The following DLG2 variants were observed in gnomAD, a reference collection of about 807,000 sequenced individuals.
DLG2 encodes disks large homolog 2.
A neutral mutation model predicts 132.5 loss-of-function variants in DLG2; 45 were observed. The ratio of observed to expected loss-of-function variants is 0.34; its 90% confidence interval spans 0.27 to 0.44. The LOEUF (loss-of-function observed/expected upper bound fraction) is 0.44, where lower values mean the gene tolerates loss of function less well. Among genes scored for constraint, DLG2 ranks in the 20% least tolerant of loss-of-function variants. The pLI is 1.00. For missense variants in DLG2, 1,045 were observed against 1,196.9 expected (o/e 0.87, Z 1.87); for synonymous variants, 424 against 419.6 (o/e 1.01, Z -0.13).
At chr11:84,921,081 A>G (rs1043124216) in intron 6 of DLG2, among the ~76,000 whole-genome samples, 4 of 149,868 alleles carry the variant, frequency 2.7e-5, no homozygotes, top group African/African-American at 1.0e-4. Flanking sequence ...AAACACTTTT[A>G]AAATGTAATA....
At chr11:83,810,265 T>C (rs1010870386) in intron 17 of DLG2, among the ~76,000 whole-genome samples, 4 of 152,138 alleles carry the variant, frequency 2.6e-5, no homozygotes, top group African/African-American at 9.6e-5. Flanking sequence ...TATAAGTTCC[T>C]GGCTAATGTT....
At chr11:83,822,739 G>C (rs1183703230) in intron 17 of DLG2, among the ~76,000 whole-genome samples, 1 of 152,180 alleles carries the variant, frequency 6.6e-6, no homozygotes, top group Non-Finnish European at 1.5e-5. Flanking sequence ...TTCCTGAAGA[G>C]CTTGTAGACT....
At chr11:85,480,394 T>A (rs1252770455) in intron 3 of DLG2, among the ~76,000 whole-genome samples, 2 of 151,924 alleles carry the variant, frequency 1.3e-5, no homozygotes, top group Non-Finnish European at 2.9e-5. Context: ...GTCTTTATAA[T>A]GATATACCAT....
chr11:83,806,945 G>C (rs2046052448), intron 17 of DLG2, among the ~76,000 whole-genome samples: 1 of 152,156 alleles, frequency 6.6e-6, no homozygotes, highest in South Asian at 2.1e-4. Flanking sequence ...CACCTTGAAA[G>C]GCATAATTCT....
chr11:85,473,908 G>T (rs1485878620), intron 3 of DLG2, among the ~76,000 whole-genome samples: 1 of 151,762 alleles, frequency 6.6e-6, no homozygotes, highest in East Asian at 1.9e-4. Context: ...GAAATAAAAG[G>T]AAGTATAGGA....
At chr11:83,633,501 GA>G (rs1448151205) in intron 18 of DLG2, among the ~76,000 whole-genome samples, 176 bp from the exon 19 acceptor site, 1 of 152,000 alleles carries the variant, frequency 6.6e-6, no homozygotes, top group Non-Finnish European at 1.5e-5. Flanking sequence ...TTTATAAGAG[GA>G]AAATGATAAA....
intron 10 of DLG2, among the ~76,000 whole-genome samples, chr11:84,074,073 G>C (rs1412417593): frequency 6.6e-6 from 1 of 152,158 alleles, no homozygotes; most frequent in South Asian, 2.1e-4. Flanking sequence ...TTACAGGGAA[G>C]TAATTTTCAG....
intron 4 of DLG2, among the ~76,000 whole-genome samples, chr11:85,163,925 T>C (rs1236763029): frequency 6.6e-6 from 1 of 152,146 alleles, no homozygotes. Flanking sequence ...TACCCATGTA[T>C]GCATGGGAGT....
At chr11:85,235,337 T>C (rs2075527860) in intron 4 of DLG2, among the ~76,000 whole-genome samples, 1 of 151,952 alleles carries the variant, frequency 6.6e-6, no homozygotes, top group African/African-American at 2.4e-5. Context: ...TATTGGGATA[T>C]TGTATGCCTA....
At chr11:85,406,833 T>C (rs1320553682) in intron 3 of DLG2, among the ~76,000 whole-genome samples, 1 of 151,774 alleles carries the variant, frequency 6.6e-6, no homozygotes, top group East Asian at 1.9e-4. Context: ...GTATAAAAGA[T>C]GGTGCTAAGA....
chr11:84,293,358 C>T (rs1033056255), intron 7 of DLG2, among the ~76,000 whole-genome samples: 3 of 151,904 alleles, frequency 2.0e-5, no homozygotes, highest in Admixed American at 1.3e-4. Flanking sequence ...GGTCATCACA[C>T]CCTACTTTTC....
At chr11:83,862,585 ATAAT>A in intron 16 of DLG2, among the ~76,000 whole-genome samples, 1 of 152,318 alleles carries the variant, frequency 6.6e-6, no homozygotes, top group East Asian at 1.9e-4. Flanking sequence ...ACACTTAAAA[ATAAT>A]TAAAGTGCAT....
At chr11:85,160,337 AG>A (rs2077929159) in intron 4 of DLG2, among the ~76,000 whole-genome samples, 1 of 152,192 alleles carries the variant, frequency 6.6e-6, no homozygotes, top group African/African-American at 2.4e-5. Context: ...TTGAGATGTC[AG>A]GGGCAGATAG....
chr11:84,901,580 T>C (rs774220990), intron 6 of DLG2, among the ~76,000 whole-genome samples: 5 of 152,126 alleles, frequency 3.3e-5, no homozygotes, highest in Non-Finnish European at 5.9e-5. Context: ...TTAACTAGAA[T>C]AAATCTTTAA....
chr11:84,842,685 G>C (rs1599501399), intron 6 of DLG2, among the ~76,000 whole-genome samples: 1 of 151,938 alleles, frequency 6.6e-6, no homozygotes, highest in Non-Finnish European at 1.5e-5. Context: ...GTAGTAGGAG[G>C]ATCTAAATAA....
chr11:85,086,396 G>GA (rs765043619), intron 6 of DLG2, among the ~76,000 whole-genome samples: 3 of 152,030 alleles, frequency 2.0e-5, no homozygotes, highest in Non-Finnish European at 4.4e-5. Context: ...TATAGAAAGT[G>GA]AAAAAACATA....
At chr11:85,226,542 G>A (rs1164430802) in intron 4 of DLG2, among the ~76,000 whole-genome samples, 2 of 152,016 alleles carry the variant, frequency 1.3e-5, no homozygotes, top group Admixed American at 6.6e-5. Context: ...AACAGAGCAA[G>A]ACCCTGTCTT....
chr11:84,690,636 G>T (rs1017189670), intron 6 of DLG2, among the ~76,000 whole-genome samples: 1 of 151,698 alleles, frequency 6.6e-6, no homozygotes, highest in Non-Finnish European at 1.5e-5. Context: ...ATTATTACGT[G>T]TCAGCCACAG....
At chr11:83,674,288 G>T (rs1034179785) in intron 18 of DLG2, among the ~76,000 whole-genome samples, 6 of 152,204 alleles carry the variant, frequency 3.9e-5, no homozygotes, top group African/African-American at 1.4e-4. Flanking sequence ...AATATTTTAA[G>T]AAGCAGAAGC....
Sources: gnomAD v4.1 joint callset for allele counts (sites outside exome capture counted in the v4.1 genomes callset) on GRCh38, gnomAD v4.1.1 for gene constraint, MANE v1.5 for transcripts, NCBI Gene and HGNC (gene_info 2026-07-23, HGNC 2026-07-21) for gene names.